Variants in SHTN1 observed in about 807,000 individuals in gnomAD.
SHTN1 encodes the protein shootin-1.
In SHTN1, 42 loss-of-function variants were observed where a neutral mutation model predicts 83.1. That is an observed-to-expected ratio of 0.51 (90% CI 0.39 to 0.65). SHTN1 has a LOEUF of 0.65. Among genes scored for constraint, SHTN1 ranks in the 30% least tolerant of loss-of-function variants. The probability of loss-of-function intolerance (pLI) is 0.00; values close to 1 mark genes in which losing one functional copy is unlikely to be tolerated. For synonymous variants in SHTN1, 224 were observed against 247.7 expected (o/e 0.90, Z 0.90); for missense variants, 622 against 737.8 (o/e 0.84, Z 1.82).
chr10:116,978,591 G>C (rs978263851), intron 2 of SHTN1, among the ~76,000 whole-genome samples: 1 of 150,298 alleles, frequency 6.7e-6, no homozygotes, highest in African/African-American at 2.4e-5. Context: ...AAATTTACAA[G>C]AAATATATAT....
At chr10:117,097,879 T>C (rs899815419) in intron 1 of SHTN1, among the ~76,000 whole-genome samples, 3 of 152,110 alleles carry the variant, frequency 2.0e-5, no homozygotes, top group African/African-American at 7.2e-5. Context: ...GATTCAAAGG[T>C]TATCAAAGGT....
intron 2 of SHTN1, among the ~76,000 whole-genome samples, chr10:117,041,342 G>A (rs1207732642): frequency 6.6e-6 from 1 of 152,046 alleles, no homozygotes; most frequent in East Asian, 1.9e-4. Flanking sequence ...GTGACTCCTC[G>A]AATTTAGTAG....
chr10:116,954,015 G>T, intron 5 of SHTN1, 27 bp downstream of exon 5: 1 of 1,579,952 alleles, frequency 6.3e-7, no homozygotes, highest in Non-Finnish European at 8.6e-7. Context: ...TAAAAAATAT[G>T]CTCAATAATT....
intron 16 of SHTN1, among the ~76,000 whole-genome samples, chr10:116,896,414 G>T (rs927516260): frequency 1.3e-5 from 2 of 152,078 alleles, no homozygotes; most frequent in Non-Finnish European, 2.9e-5. Context: ...CAACCTAGCT[G>T]GGGTGAAAGA....
intron 2 of SHTN1, among the ~76,000 whole-genome samples, chr10:117,019,826 C>CAA (rs199637675): frequency 0.047 from 5,608 of 118,120 alleles, 259 homozygotes; most frequent in African/African-American, 0.12. Context: ...GCCCTTGTCT[C>CAA]AAAAAAAAAA....
At chr10:116,975,447 C>T (rs1280101731) in intron 2 of SHTN1, among the ~76,000 whole-genome samples, 1 of 149,790 alleles carries the variant, frequency 6.7e-6, no homozygotes, top group Non-Finnish European at 1.5e-5. Flanking sequence ...GCTCTAGGCA[C>T]TCACAGAGCA....
At position 116,954,052 on chromosome 10, in the gene SHTN1, C is replaced by T; in HGVS notation, c.426G>A (p.Lys142=). 6.2e-7 allele frequency: 1 copy of T among 1,605,972 alleles called. No individual in the cohort carries two copies. The highest frequency in any genetic ancestry group is 8.5e-7 in the Non-Finnish European group (1 of 1,177,916). ...AGCAAAGAGTTCTACCTTTAATTTG[C>T]TTCTGACACTGTACTGAGACACAAG... ...AETCVSVQCQ[K]QIKELRDQIV... The change falls in exon 5 of 17, where the codon AAG becomes AAA. Residue 142 remains lysine, a synonymous_variant. Coordinates refer to ENST00000355371, the MANE Select transcript of SHTN1 (RefSeq NM_001127211.3).
rs551574925 is a variant in SHTN1, at chr10:116,999,046, A to C, written c.58+5976T>G. On this transcript the variant is annotated intron_variant, in intron 1 of 16. Transcript: ENST00000355371. ...GTCTCACTACATTGCCCAGGCTGGTATCAAACTCCTGGGCTCAAGGTATCC... is the reference window on the plus strand; with the variant it reads ...GTCTCACTACATTGCCCAGGCTGGTCTCAAACTCCTGGGCTCAAGGTATCC... Among the ~76,000 whole-genome samples the C allele has an allele frequency of 7.3e-4, 111 of 152,208 alleles. 2 individuals are homozygous for C. In the South Asian group the frequency reaches 0.022, roughly 30 times the overall value.
At position 116,899,618 on chromosome 10, in the gene SHTN1, C is replaced by T. The variant is rs531017626; in HGVS notation, c.1673+2147G>A. On this transcript the variant is annotated intron_variant, in intron 16 of 16. Coordinates refer to ENST00000355371, the MANE Select transcript of SHTN1 (RefSeq NM_001127211.3). ...AGAGCCGACTGTCATTGGCATCCTC[C>T]CTTGACCTTGATTCAGGTCAAGAGC... 2.6e-5 allele frequency among the ~76,000 whole-genome samples: 4 copies of T among 151,724 alleles called. No homozygotes were observed. The East Asian group carries it at 5.8e-4, about 22-fold the overall frequency.
intron 1 of SHTN1, among the ~76,000 whole-genome samples, chr10:116,985,211 G>A (rs571420943): frequency 6.6e-6 from 1 of 152,298 alleles, no homozygotes; most frequent in South Asian, 2.1e-4. Flanking sequence ...GAATACCAGA[G>A]TCCATGCCTA....
intron 1 of SHTN1, among the ~76,000 whole-genome samples, chr10:117,050,859 C>T (rs1161712466): frequency 6.6e-6 from 1 of 151,956 alleles, no homozygotes; most frequent in Non-Finnish European, 1.5e-5. Context: ...TTTGAGGCAG[C>T]CTAGGCAATA....
chr10:116,935,901 G>A (rs1260102404), intron 9 of SHTN1, among the ~76,000 whole-genome samples: 2 of 152,126 alleles, frequency 1.3e-5, no homozygotes, highest in Non-Finnish European at 2.9e-5. Context: ...TTGGGAGGGT[G>A]TATGTGTCCA....
chr10:116,923,355 G>T (rs1848630424), intron 11 of SHTN1, among the ~76,000 whole-genome samples: 1 of 152,110 alleles, frequency 6.6e-6, no homozygotes, highest in Non-Finnish European at 1.5e-5. Flanking sequence ...AATGAATCAA[G>T]AATTTTTGAA....
At chr10:117,103,392 CGTT>C (rs1853623258) in intron 1 of SHTN1, among the ~76,000 whole-genome samples, 1 of 151,790 alleles carries the variant, frequency 6.6e-6, no homozygotes, top group Non-Finnish European at 1.5e-5. Context: ...CACCCAGCCT[CGTT>C]GTTCATTTTT....
chr10:116,954,440 C>G lies in SHTN1; in HGVS notation c.268-230G>C, dbSNP rs1849900317. On this transcript the variant is annotated intron_variant, in intron 4 of 16. Transcript: ENST00000355371. ...CAGCAAGTGGAAATGCTAGTTGTAA[C>G]TGATGAGAAATATAAGGAACTAAGA... 3.3e-5 allele frequency among the ~76,000 whole-genome samples: 5 copies of G among 152,092 alleles called. No homozygotes were observed. In the South Asian group the frequency reaches 8.3e-4, roughly 25 times the overall value.
chr10:116,990,875 G>T (rs1187623183), intron 1 of SHTN1, among the ~76,000 whole-genome samples: 1 of 151,996 alleles, frequency 6.6e-6, no homozygotes, highest in South Asian at 2.1e-4. Flanking sequence ...TGAAGACGTT[G>T]GTTAAAGCCT....
intron 2 of SHTN1, among the ~76,000 whole-genome samples, chr10:117,016,429 C>T (rs1364106247): frequency 6.6e-6 from 1 of 152,170 alleles, no homozygotes; most frequent in African/African-American, 2.4e-5. Flanking sequence ...TTGTTTGAGA[C>T]TGAGTCTCGC....
Position 116,952,020 on chromosome 10 carries a change from G to GAA in SHTN1, c.437-16_437-15dup, listed in dbSNP as rs147897295. On this transcript the variant is annotated splice_polypyrimidine_tract_variant and intron_variant, in intron 5 of 16. Transcript: ENST00000355371. ...GATCTCGAAGTTCTGCATTTTTAAA[G>GAA]AAAAAAAATATATAAATAAACTTAT... 5.0e-5 allele frequency: 66 copies of GAA among 1,314,854 alleles called. No homozygotes were observed. The highest frequency in any genetic ancestry group is 7.0e-5 in the Admixed American group (3 of 42,922). The allele number at this position is 1,314,854 out of a possible 1,614,324, so 81.4% of individuals were successfully genotyped here.
At chr10:117,105,366 A>C (rs1853656922) in intron 1 of SHTN1, among the ~76,000 whole-genome samples, 1 of 152,214 alleles carries the variant, frequency 6.6e-6, no homozygotes. Flanking sequence ...GTAGTATAAA[A>C]AAGGCTTTTA....
Sources: allele counts gnomAD v4.1 joint callset (sites outside exome capture counted in the v4.1 genomes callset), GRCh38; gene constraint gnomAD v4.1.1; transcripts MANE v1.5; gene names NCBI Gene and HGNC (gene_info 2026-07-23, HGNC 2026-07-21).